Variants in TNS3 observed in about 807,000 individuals in gnomAD.
TNS3 encodes the protein tensin-3.
A neutral mutation model predicts 140.9 loss-of-function variants in TNS3; 45 were observed. That is an observed-to-expected ratio of 0.32 (90% CI 0.25 to 0.41). TNS3 has a LOEUF of 0.41. Among genes scored for constraint, TNS3 ranks in the 10% least tolerant of loss-of-function variants. TNS3 has a pLI of 1.00. For missense variants in TNS3, 1,716 were observed against 1,906.7 expected (o/e 0.90, Z 1.86); for synonymous variants, 815 against 788.4 (o/e 1.03, Z -0.56).
chr7:47,349,068 G>A (rs1372413849), intron 17 of TNS3, among the ~76,000 whole-genome samples: 1 of 152,198 alleles, frequency 6.6e-6, no homozygotes. Context: ...CCACACCAGA[G>A]GAGGCTCTGA....
intron 12 of TNS3, among the ~76,000 whole-genome samples, chr7:47,413,232 G>A (rs1584602073): frequency 7.1e-6 from 1 of 139,900 alleles, no homozygotes; most frequent in Admixed American, 7.5e-5. Flanking sequence ...GATTACAGGT[G>A]TGAGCCACCA....
intron 8 of TNS3, 27 bp downstream of exon 8, chr7:47,435,255 C>T: frequency 6.2e-7 from 1 of 1,612,634 alleles, no homozygotes; most frequent in Non-Finnish European, 8.5e-7. Context: ...CAGCCAGACC[C>T]CCAAATGTGA....
At chr7:47,383,774 C>A (rs1394019585) in intron 16 of TNS3, among the ~76,000 whole-genome samples, 1 of 152,130 alleles carries the variant, frequency 6.6e-6, no homozygotes, top group South Asian at 2.1e-4. Context: ...AGAGAAGACA[C>A]TCTCTTCTGT....
chr7:47,298,746 C>T (rs1419504278), intron 23 of TNS3, among the ~76,000 whole-genome samples: 1 of 152,264 alleles, frequency 6.6e-6, no homozygotes, highest in African/African-American at 2.4e-5. Flanking sequence ...CCAGGCCTGA[C>T]CGGACCCACA....
intron 17 of TNS3, among the ~76,000 whole-genome samples, chr7:47,364,652 A>G (rs1285985946): frequency 6.6e-6 from 1 of 152,196 alleles, no homozygotes; most frequent in Non-Finnish European, 1.5e-5. Flanking sequence ...GGCTTTTGAC[A>G]CTAAATGAAG....
At chr7:47,510,212 T>A (rs1230009331) in intron 2 of TNS3, among the ~76,000 whole-genome samples, 1 of 152,200 alleles carries the variant, frequency 6.6e-6, no homozygotes, top group Non-Finnish European at 1.5e-5. Context: ...GAGACCTCAT[T>A]ACCTGATCAC....
intron 10 of TNS3, among the ~76,000 whole-genome samples, chr7:47,418,420 G>A (rs1794197118): frequency 2.6e-5 from 4 of 152,174 alleles, no homozygotes; most frequent in Admixed American, 2.0e-4. Context: ...TTTATCTGTG[G>A]CATTAAAGGT....
intron 1 of TNS3, among the ~76,000 whole-genome samples, chr7:47,533,103 T>TATATATATATATA (rs1799465325): frequency 5.4e-5 from 1 of 18,594 alleles, no homozygotes; most frequent in African/African-American, 1.4e-4. Flanking sequence ...TTGTCAGATT[T>TATATATATATATA]TATATATATA....
At chr7:47,455,393 C>G (rs1004614585) in intron 4 of TNS3, among the ~76,000 whole-genome samples, 1 of 152,112 alleles carries the variant, frequency 6.6e-6, no homozygotes, top group Non-Finnish European at 1.5e-5. Context: ...GAATGAAGAG[C>G]TAATGAATTG....
intron 3 of TNS3, among the ~76,000 whole-genome samples, chr7:47,497,717 C>T (rs1035492799): frequency 1.2e-4 from 16 of 137,714 alleles, no homozygotes; most frequent in Non-Finnish European, 2.1e-4. Context: ...ATGTTCACCG[C>T]GTGCTCTTTT....
intron 1 of TNS3, among the ~76,000 whole-genome samples, chr7:47,530,772 G>A (rs1293612891): frequency 1.4e-5 from 2 of 139,282 alleles, no homozygotes; most frequent in South Asian, 2.3e-4. Context: ...GCAGTGAGCC[G>A]AGATCGCGCC....
At chr7:47,286,696 A>C (rs1785437774) in intron 27 of TNS3, among the ~76,000 whole-genome samples, 1 of 152,246 alleles carries the variant, frequency 6.6e-6, no homozygotes, top group South Asian at 2.1e-4. Context: ...TTCAGAAAAA[A>C]TAAATAATGC....
intron 20 of TNS3, among the ~76,000 whole-genome samples, chr7:47,334,692 C>T (rs1788530102): frequency 6.6e-6 from 1 of 150,782 alleles, no homozygotes; most frequent in South Asian, 2.1e-4. Context: ...CAACCTCCGC[C>T]TCCTGGGTTC....
At chr7:47,538,929 C>T (rs1425274218) in intron 1 of TNS3, 10 of 429,918 alleles carry the variant, frequency 2.3e-5, no homozygotes, top group Non-Finnish European at 4.3e-5. Context: ...ACATCTGTAT[C>T]GTATTCATTC....
intron 13 of TNS3, among the ~76,000 whole-genome samples, chr7:47,401,876 G>T (rs1220329035): frequency 1.3e-5 from 2 of 152,234 alleles, no homozygotes; most frequent in Non-Finnish European, 2.9e-5. Context: ...CCCTGGACAG[G>T]CTGGATTCTG....
At chr7:47,376,596 G>C (rs1046664658) in intron 16 of TNS3, among the ~76,000 whole-genome samples, 2 of 152,060 alleles carry the variant, frequency 1.3e-5, no homozygotes, top group African/African-American at 4.8e-5. Context: ...TAACATTAAC[G>C]ATTTTTTTTA....
intron 4 of TNS3, among the ~76,000 whole-genome samples, chr7:47,477,151 G>A (rs1052369854): frequency 1.3e-5 from 2 of 152,138 alleles, no homozygotes; most frequent in Non-Finnish European, 2.9e-5. Context: ...CTGGGATGTC[G>A]GTAAGTATGG....
chr7:47,407,898 C>T lies in TNS3; in HGVS notation c.723+3829G>A, dbSNP rs1793535674. ...GCCTCCAGGACTGTGGGAGAATCACCTCTGTTGTTTAAGCTGAGACCAAAG... is the reference window on the plus strand; with the variant it reads ...GCCTCCAGGACTGTGGGAGAATCACTTCTGTTGTTTAAGCTGAGACCAAAG... On this transcript the variant is annotated intron_variant, in intron 13 of 30. Transcript: ENST00000311160. This position sits in a 1 kb window ranked among gnomAD's most constrained non-coding sequence, Gnocchi z 4.1. 6.6e-6 allele frequency among the ~76,000 whole-genome samples: 1 copy of T among 152,154 alleles called. No individual in the cohort carries two copies. Among genetic ancestry groups the T allele is most frequent in the African/African-American group, 2.4e-5 (1 of 41,426 alleles).
At chr7:47,531,577 A>C (rs892248296) in intron 1 of TNS3, among the ~76,000 whole-genome samples, 1 of 152,266 alleles carries the variant, frequency 6.6e-6, no homozygotes, top group African/African-American at 2.4e-5. Context: ...TCACCAAAAG[A>C]TAATTAACTG....
Sources: gnomAD v4.1 joint callset for allele counts (sites outside exome capture counted in the v4.1 genomes callset) on GRCh38, gnomAD v4.1.1 for gene constraint, Gnocchi (gnomAD v3.1) non-coding constraint, MANE v1.5 for transcripts, NCBI Gene and HGNC (gene_info 2026-07-23, HGNC 2026-07-21) for gene names.